Variants in LRP1B observed in about 807,000 individuals in gnomAD.
LRP1B encodes the protein LDL receptor related protein 1B.
LRP1B carries 217 observed loss-of-function variants against 556.6 expected under a neutral mutation model. That is an observed-to-expected ratio of 0.39 (90% CI 0.35 to 0.44). The LOEUF (loss-of-function observed/expected upper bound fraction) is 0.44, where lower values mean the gene tolerates loss of function less well. Ranked by LOEUF, LRP1B falls within the 20% of genes least tolerant of loss-of-function variation. The probability of loss-of-function intolerance (pLI) is 1.00; values close to 1 mark genes in which losing one functional copy is unlikely to be tolerated. For synonymous variants in LRP1B, 2,047 were observed against 1,865.8 expected (o/e 1.10, Z -2.50); for missense variants, 5,053 against 5,620.8 (o/e 0.90, Z 3.23).
At chr2:140,957,390 A>C (rs755962099) in intron 18 of LRP1B, among the ~76,000 whole-genome samples, 4 of 151,622 alleles carry the variant, frequency 2.6e-5, no homozygotes, top group Non-Finnish European at 4.4e-5. Flanking sequence ...AGATAGAAGT[A>C]GTGAAATAGG....
At chr2:140,273,002 A>G (rs946306141) in intron 85 of LRP1B, among the ~76,000 whole-genome samples, 2 of 151,956 alleles carry the variant, frequency 1.3e-5, no homozygotes, top group East Asian at 1.9e-4. Flanking sequence ...TTTTGACTGT[A>G]TAGCAAGCGA....
intron 27 of LRP1B, among the ~76,000 whole-genome samples, chr2:140,864,803 A>G (rs1692900608): frequency 6.6e-6 from 1 of 152,082 alleles, no homozygotes. Flanking sequence ...CTCAACGTTT[A>G]CAAGATCCTA....
intron 86 of LRP1B, among the ~76,000 whole-genome samples, chr2:140,260,340 G>A (rs1681875410): frequency 6.6e-6 from 1 of 151,686 alleles, no homozygotes; most frequent in African/African-American, 2.4e-5. Flanking sequence ...ATTTTCTTCT[G>A]TTTTTAAAAG....
intron 7 of LRP1B, among the ~76,000 whole-genome samples, chr2:141,132,075 G>A (rs1041331048): frequency 1.3e-5 from 2 of 151,852 alleles, no homozygotes; most frequent in African/African-American, 4.8e-5. Context: ...TTATGATTGA[G>A]AACATATGAT....
intron 6 of LRP1B, among the ~76,000 whole-genome samples, chr2:141,213,187 T>C (rs1212854817): frequency 6.6e-6 from 1 of 151,774 alleles, no homozygotes; most frequent in Non-Finnish European, 1.5e-5. Flanking sequence ...CCCAGGCTGA[T>C]GTGATTTTCT....
At chr2:142,019,467 C>T (rs1559025874) in intron 1 of LRP1B, among the ~76,000 whole-genome samples, 1 of 152,170 alleles carries the variant, frequency 6.6e-6, no homozygotes, top group Non-Finnish European at 1.5e-5. Flanking sequence ...CTTCTTATCA[C>T]CTTCAATGCT....
chr2:140,937,721 A>T (rs1695271166), intron 20 of LRP1B, among the ~76,000 whole-genome samples: 1 of 152,074 alleles, frequency 6.6e-6, no homozygotes, highest in Admixed American at 6.6e-5. Flanking sequence ...TTTCTATGTG[A>T]TAAGGATTCA....
At chr2:141,413,866 G>A (rs1485758609) in intron 3 of LRP1B, among the ~76,000 whole-genome samples, 1 of 151,072 alleles carries the variant, frequency 6.6e-6, no homozygotes, top group Non-Finnish European at 1.5e-5. Flanking sequence ...GTGACACAGT[G>A]AGGAGAGAGA....
intron 43 of LRP1B, among the ~76,000 whole-genome samples, chr2:140,555,258 G>A (rs1351869120): frequency 6.6e-6 from 1 of 150,922 alleles, no homozygotes; most frequent in Non-Finnish European, 1.5e-5. Context: ...TTAGATGCTA[G>A]ATTACAAGTC....
intron 2 of LRP1B, among the ~76,000 whole-genome samples, chr2:141,496,549 C>T (rs539111919): frequency 2.0e-5 from 3 of 152,042 alleles, no homozygotes; most frequent in East Asian, 3.9e-4. Flanking sequence ...CATTCAACCA[C>T]GAATTAAACA....
chr2:141,034,390 A>T (rs913157883), intron 11 of LRP1B, among the ~76,000 whole-genome samples: 1 of 152,078 alleles, frequency 6.6e-6, no homozygotes, highest in Non-Finnish European at 1.5e-5. Context: ...GCTTCTGCAC[A>T]GCAAAAGAAA....
At chr2:141,033,297 A>G (rs1698432638) in intron 11 of LRP1B, among the ~76,000 whole-genome samples, 2 of 152,162 alleles carry the variant, frequency 1.3e-5, no homozygotes, top group South Asian at 2.1e-4. Context: ...ATGCCAGATC[A>G]TTCTCAGCCT....
intron 41 of LRP1B, among the ~76,000 whole-genome samples, chr2:140,630,265 G>A (rs903451782): frequency 3.9e-5 from 6 of 152,200 alleles, no homozygotes; most frequent in African/African-American, 1.4e-4. Flanking sequence ...AGCCACAGTA[G>A]AAGAGCATAG....
chr2:140,429,989 T>C (rs1232756137), intron 66 of LRP1B, among the ~76,000 whole-genome samples: 1 of 152,146 alleles, frequency 6.6e-6, no homozygotes, highest in African/African-American at 2.4e-5. Context: ...CGGACTTCAA[T>C]CCGGCCTCCC....
rs141945665 is a variant in LRP1B, at chr2:141,402,082, C to A, written c.343+78314G>T. Among the ~76,000 whole-genome samples the A allele has an allele frequency of 1.9e-4, 29 of 152,274 alleles. No individual in the cohort carries two copies. The East Asian group carries it at 5.4e-3, about 28-fold the overall frequency. On this transcript the variant is annotated intron_variant, in intron 3 of 90. Coordinates refer to ENST00000389484, the MANE Select transcript of LRP1B (RefSeq NM_018557.3). Reference sequence around the variant, plus strand: ...TATTGTTATGAGATATTTTACCCTTCTGTTACATGGTTCTTTGAACCTGAG... The same window carrying A: ...TATTGTTATGAGATATTTTACCCTTATGTTACATGGTTCTTTGAACCTGAG...
chr2:141,276,755 C>G (rs567931433), intron 3 of LRP1B, among the ~76,000 whole-genome samples: 1 of 149,790 alleles, frequency 6.7e-6, no homozygotes, highest in African/African-American at 2.5e-5. Flanking sequence ...CTCCCCGGTT[C>G]ACGCCATTCT....
At chr2:141,043,194 C>T (rs1000931798) in intron 11 of LRP1B, among the ~76,000 whole-genome samples, 23 of 141,818 alleles carry the variant, frequency 1.6e-4, no homozygotes, top group Non-Finnish European at 2.4e-4. Context: ...CAGAGTAAGA[C>T]TCTGTCTCAA....
intron 3 of LRP1B, among the ~76,000 whole-genome samples, chr2:141,436,739 T>G: frequency 6.6e-6 from 1 of 152,170 alleles, no homozygotes; most frequent in Non-Finnish European, 1.5e-5. Flanking sequence ...TTCTTGTAGA[T>G]AAATTGTTTT....
intron 1 of LRP1B, among the ~76,000 whole-genome samples, chr2:141,967,055 C>T (rs982965857): frequency 2.6e-5 from 4 of 151,914 alleles, no homozygotes; most frequent in Non-Finnish European, 5.9e-5. Context: ...TCTCCTTTCC[C>T]ATCTCCAACT....
Sources: allele counts gnomAD v4.1 joint callset (sites outside exome capture counted in the v4.1 genomes callset), GRCh38; gene constraint gnomAD v4.1.1; transcripts MANE v1.5; gene names NCBI Gene and HGNC (gene_info 2026-07-23, HGNC 2026-07-21).